Variants in PAK4 observed in about 807,000 individuals in gnomAD.
The protein encoded by PAK4 is p21 (RAC1) activated kinase 4, also known as serine/threonine-protein kinase PAK 4.
In PAK4, 49 loss-of-function variants were observed where a neutral mutation model predicts 53.5. The ratio of observed to expected loss-of-function variants is 0.92; its 90% CI spans 0.73 to 1.16. The LOEUF is 1.16. Ranked by LOEUF, PAK4 falls within the 50% of genes most tolerant of loss-of-function variation. The probability of loss-of-function intolerance (pLI) is 0.00; values close to 1 mark genes in which losing one functional copy is unlikely to be tolerated. For synonymous variants in PAK4, 376 were observed against 375.6 expected (o/e 1.00, Z -0.01); for missense variants, 824 against 850.7 (o/e 0.97, Z 0.39).
At chr19:39,166,649 A>C (rs2074381204) in intron 1 of PAK4, among the ~76,000 whole-genome samples, 1 of 152,178 alleles carries the variant, frequency 6.6e-6, no homozygotes, top group South Asian at 2.1e-4. Context: ...TTGGAGCCCT[A>C]GGCAGCCTGA....
intron 1 of PAK4, among the ~76,000 whole-genome samples, chr19:39,134,156 C>G (rs752455483): frequency 6.6e-6 from 1 of 152,172 alleles, no homozygotes; most frequent in African/African-American, 2.4e-5. Flanking sequence ...CTCTCAAATG[C>G]TATATATATA....
chr19:39,147,847 T>TTTTTG (rs2074026660), intron 1 of PAK4, among the ~76,000 whole-genome samples: 1 of 147,060 alleles, frequency 6.8e-6, no homozygotes, highest in African/African-American at 2.5e-5. Context: ...TCGGGTTTTT[T>TTTTTG]TTTTTTTTTT....
chr19:39,157,556 C>G (rs746230367), intron 1 of PAK4, among the ~76,000 whole-genome samples: 15 of 152,214 alleles, frequency 9.9e-5, no homozygotes, highest in Non-Finnish European at 1.5e-4. Context: ...CCCACCTTCT[C>G]CCACTGAAGT....
chr19:39,132,604 C>T (rs1466783374), intron 1 of PAK4, among the ~76,000 whole-genome samples: 7 of 152,270 alleles, frequency 4.6e-5, no homozygotes, highest in Non-Finnish European at 8.8e-5. Context: ...CCCATCTTTC[C>T]GTGCTGTGAA....
chr19:39,172,836 G>A, intron 2 of PAK4, 82 bp from the exon 4 acceptor site: 1 of 1,177,520 alleles, frequency 8.5e-7, no homozygotes, highest in Admixed American at 2.3e-5. Context: ...GTGTCGTGCT[G>A]TCCTGTCCCT....
chr19:39,141,168 A>G (rs748873486), intron 1 of PAK4, among the ~76,000 whole-genome samples: 2 of 152,170 alleles, frequency 1.3e-5, no homozygotes, highest in Non-Finnish European at 2.9e-5. Context: ...AGCAGGTAGC[A>G]GCTGTGGCCA....
At chr19:39,172,974 C>T (rs1278247107) in exon 3 of PAK4, 10 of 1,548,330 alleles carry the variant, frequency 6.5e-6, no homozygotes, top group South Asian at 4.8e-5. Context: ...TGCTGCTGGA[C>T]GAGTTTGAGA....
At chr19:39,134,108 G>A (rs1239081850) in intron 1 of PAK4, among the ~76,000 whole-genome samples, 1 of 152,026 alleles carries the variant, frequency 6.6e-6, no homozygotes, top group Non-Finnish European at 1.5e-5. Flanking sequence ...TCCCTTCCCC[G>A]CAAATCTTCC....
chr19:39,139,757 G>T (rs737450), intron 1 of PAK4, among the ~76,000 whole-genome samples: 37,328 of 152,068 alleles, frequency 0.25, 4,775 homozygotes, highest in East Asian at 0.39. Context: ...GGGGTGGGAG[G>T]CACTGCAGGG....
At chr19:39,158,305 A>T (rs1005860486) in intron 1 of PAK4, among the ~76,000 whole-genome samples, 1 of 152,080 alleles carries the variant, frequency 6.6e-6, no homozygotes, top group African/African-American at 2.4e-5. Context: ...TGGGTCTGTG[A>T]GGAGAGGCCG....
At chr19:39,160,473 G>A (rs951919299) in intron 1 of PAK4, among the ~76,000 whole-genome samples, 1 of 152,144 alleles carries the variant, frequency 6.6e-6, no homozygotes, top group East Asian at 1.9e-4. Context: ...CATAAAAAGC[G>A]AGGTGCACAT....
chr19:39,154,992 C>T (rs890591404), intron 1 of PAK4, among the ~76,000 whole-genome samples: 1 of 152,188 alleles, frequency 6.6e-6, no homozygotes, highest in Non-Finnish European at 1.5e-5. Flanking sequence ...TCCCAGCCCA[C>T]GTTCTGTGTG....
chr19:39,169,536 C>T lies in PAK4; in HGVS notation c.-18C>T, dbSNP rs747166421. On this transcript the variant is annotated 5_prime_UTR_variant, in exon 2 of 9. Transcript: ENST00000358301. Reference sequence around the variant, plus strand: ...CACCGTGATTCCCTCCCGCAGGCCGCACCGAGTCCCCGGCACCATGTTTGG... The same window carrying T: ...CACCGTGATTCCCTCCCGCAGGCCGTACCGAGTCCCCGGCACCATGTTTGG... 1.9e-6 allele frequency: 3 copies of T among 1,609,782 alleles called. No homozygotes were observed. In the African/African-American group the frequency reaches 4.0e-5, roughly 21 times the overall value.
chr19:39,144,096 GTAGATAGA>G (rs74176490), intron 1 of PAK4, among the ~76,000 whole-genome samples: 14 of 148,128 alleles, frequency 9.5e-5, no homozygotes, highest in East Asian at 2.0e-4. Context: ...CCTATCTCAG[GTAGATAGA>G]TAGATAGATA....
At chr19:39,164,599 G>T (rs11878229) in intron 1 of PAK4, among the ~76,000 whole-genome samples, 2,817 of 152,238 alleles carry the variant, frequency 0.019, 89 homozygotes, top group African/African-American at 0.064. Context: ...ATGGTGATGG[G>T]CGCATCCTGT....
intron 1 of PAK4, among the ~76,000 whole-genome samples, chr19:39,158,069 A>T (rs1028095907): frequency 2.1e-5 from 3 of 141,214 alleles, no homozygotes; most frequent in Admixed American, 7.1e-5. Flanking sequence ...CGTGTGTGTG[A>T]GCATGCATGT....
intron 1 of PAK4, among the ~76,000 whole-genome samples, chr19:39,133,847 A>C (rs2145112521): frequency 2.0e-5 from 3 of 152,334 alleles, no homozygotes; most frequent in East Asian, 3.9e-4. Context: ...CAGAGGCGGA[A>C]GGCGGCCGGT....
At chr19:39,177,998 G>A (rs373163656) in intron 8 of PAK4, among the ~76,000 whole-genome samples, 189 bp downstream of exon 9, 2 of 152,230 alleles carry the variant, frequency 1.3e-5, no homozygotes, top group South Asian at 2.1e-4. Context: ...GGCGACAGAG[G>A]CAGCAGAGCC....
chr19:39,170,873 G>A (rs1402174570), intron 2 of PAK4, among the ~76,000 whole-genome samples: 2 of 152,268 alleles, frequency 1.3e-5, no homozygotes, highest in African/African-American at 4.8e-5. Context: ...TCTGGTGACA[G>A]ACCAGCTGGA....
Sources: allele counts gnomAD v4.1 joint callset (sites outside exome capture counted in the v4.1 genomes callset), GRCh38; gene constraint gnomAD v4.1.1; transcripts MANE v1.5; gene names NCBI Gene and HGNC (gene_info 2026-07-23, HGNC 2026-07-21).